MAX: variants seen among roughly 807,000 people sequenced by gnomAD.
MAX encodes MYC associated transcriptional regulator X.
MAX carries 3 observed loss-of-function variants against 22.3 expected under a neutral mutation model. That is an observed-to-expected ratio of 0.13 (90% confidence interval 0.06 to 0.35). The LOEUF is 0.35. Among genes scored for constraint, MAX ranks in the 10% least tolerant of loss-of-function variants. The pLI, the probability that MAX is intolerant of heterozygous loss-of-function variation, is 1.00. For missense variants in MAX, 119 were observed against 209.4 expected (o/e 0.57, Z 2.66); for synonymous variants, 72 against 77.7 (o/e 0.93, Z 0.39).
intron 2 of MAX, among the ~76,000 whole-genome samples, chr14:65,096,828 T>G (rs1266298278): frequency 1.3e-5 from 2 of 152,172 alleles, no homozygotes; most frequent in Non-Finnish European, 2.9e-5. Context: ...CTTGTGGAAT[T>G]AATTAGGCCC....
At chr14:65,015,410 CTTTTTTTTT>C (rs888923691) in intron 3 of MAX, 99 of 155,746 alleles carry the variant, frequency 6.4e-4, no homozygotes, top group African/African-American at 2.7e-3. Flanking sequence ...GCCTTGTTAT[CTTTTTTTTT>C]TTTTTTTTTT....
chr14:65,064,534 C>T (rs983904488), intron 3 of MAX, among the ~76,000 whole-genome samples: 1 of 152,212 alleles, frequency 6.6e-6, no homozygotes, highest in Non-Finnish European at 1.5e-5. Flanking sequence ...CTGTTGGGGT[C>T]AGGTTCAGCA....
rs774011779 is a variant in MAX at position 65,084,212 on chromosome 14, G to T, written c.172-6176C>A. On this transcript the variant is annotated intron_variant, in intron 3 of 4. Transcript: ENST00000358664. This position sits in a 1 kb window ranked among gnomAD's most constrained non-coding sequence, Gnocchi z 4.3. Reference sequence around the variant, plus strand: ...TTGCATTCTTTTTTCTTGTGCACTTGGTAGCTTGAAATGAAGGTGTGGCAT... The same window carrying T: ...TTGCATTCTTTTTTCTTGTGCACTTTGTAGCTTGAAATGAAGGTGTGGCAT... The T allele has an allele frequency of 6.2e-7, 1 of 1,614,014 alleles. No individual in the cohort carries two copies. The highest frequency in any genetic ancestry group is 8.5e-7 in the Non-Finnish European group (1 of 1,179,978).
chr14:65,101,828 C>T (rs2139969784), intron 1 of MAX: 1 of 575,710 alleles, frequency 1.7e-6, no homozygotes, highest in Middle Eastern at 4.6e-4. Flanking sequence ...AGCACTGTCT[C>T]CTCCCTGCAG....
Position 65,077,135 on chromosome 14 carries a change from G to C in MAX, c.296-472C>G, listed in dbSNP as rs1197245972. The C allele has an allele frequency of 1.7e-6, 1 of 602,516 alleles. No individual in the cohort carries two copies. The highest frequency in any genetic ancestry group is 2.9e-6 in the Non-Finnish European group (1 of 342,090). 37.3% of individuals were successfully genotyped at this position (602,516 alleles called of 1,614,324 possible). ...AAGATCCACTTGGAATGACAAGCTGGACACTTGGAAGCAAGTCACCAATAC... is the reference window on the plus strand; with the variant it reads ...AAGATCCACTTGGAATGACAAGCTGCACACTTGGAAGCAAGTCACCAATAC... On this transcript the variant is annotated intron_variant, in intron 4 of 4. Transcript: ENST00000358664. The surrounding 1 kb of genome is among the most constrained non-coding windows in gnomAD (Gnocchi z 6.3).
At position 65,023,319 on chromosome 14, in the gene MAX, G is replaced by A. The variant is rs539906883; in HGVS notation, c.172-17035C>T. Among the ~76,000 whole-genome samples the A allele has an allele frequency of 6.6e-6, 1 of 152,282 alleles. No homozygotes were observed. Among genetic ancestry groups the A allele is most frequent in the South Asian group, 2.1e-4 (1 of 4,830 alleles). ...AGTGATCCCCCTCACCTCAGCCAAA[G>A]TGCTGGGATTACAGGCATGAGCCAC... On this transcript the variant is annotated intron_variant, in intron 3 of 3. Coordinates refer to the MAX transcript ENST00000341653. This position sits in a 1 kb window ranked among gnomAD's most constrained non-coding sequence, Gnocchi z 4.1.
chr14:65,102,658 C>T (rs1354527740), upstream of MAX: 6 of 1,040,868 alleles, frequency 5.8e-6, no homozygotes, highest in South Asian at 1.8e-4. Context: ...CTACAAATCC[C>T]GGAAGAAACC....
rs763864222 is a variant in MAX, at chr14:65,077,571, T to G, written c.295+342A>C. The G allele has an allele frequency of 2.2e-5, 20 of 924,118 alleles. No homozygotes were observed. The Admixed American group carries it at 3.7e-4, about 17-fold the overall frequency. The allele number at this position is 924,118 out of a possible 1,614,324, so 57.2% of individuals were successfully genotyped here. ...GAGTCTCTGGTACTTACACAGCACA[T>G]TCCACTCCAAGGACCTCAAAGCTCT... On this transcript the variant is annotated intron_variant, in intron 4 of 4. Transcript: ENST00000358664. The surrounding 1 kb of genome is among the most constrained non-coding windows in gnomAD (Gnocchi z 6.3).
Position 65,082,742 on chromosome 14 carries a change from GA to G in MAX, c.172-4707del, listed in dbSNP as rs1210950466. Among the ~76,000 whole-genome samples the G allele has an allele frequency of 2.0e-5, 3 of 149,610 alleles. No individual in the cohort carries two copies. Among genetic ancestry groups the G allele is most frequent in the South Asian group, 2.1e-4 (1 of 4,750 alleles). On this transcript the variant is annotated intron_variant, in intron 3 of 4. Coordinates refer to ENST00000358664, the MANE Select transcript of MAX (RefSeq NM_002382.5). The surrounding 1 kb of genome is among the most constrained non-coding windows in gnomAD (Gnocchi z 4.8). ...GGCTTGTGCCAACACACTCCAGCCTGAAAAAAAAGAGTGAGACCCTGTATAA... is the reference window on the plus strand; with the variant it reads ...GGCTTGTGCCAACACACTCCAGCCTGAAAAAAAGAGTGAGACCCTGTATAA...
intron 3 of MAX, among the ~76,000 whole-genome samples, chr14:65,080,038 T>C (rs79302698): frequency 0.017 from 2,577 of 152,284 alleles, 84 homozygotes; most frequent in African/African-American, 0.059. Context: ...TGTCTATACA[T>C]GGAAATATCA....
intron 3 of MAX, among the ~76,000 whole-genome samples, chr14:65,089,256 T>A (rs1410670441): frequency 6.6e-6 from 1 of 152,228 alleles, no homozygotes; most frequent in African/African-American, 2.4e-5. Flanking sequence ...ACCTACTATG[T>A]GCCAGAATCT....
intron 2 of MAX, among the ~76,000 whole-genome samples, chr14:65,095,664 C>T (rs1368507470): frequency 6.6e-6 from 1 of 152,104 alleles, no homozygotes; most frequent in East Asian, 1.9e-4. Flanking sequence ...CTATATACTA[C>T]CTAAGGTGGT....
At position 65,077,808 on chromosome 14, in the gene MAX, G is replaced by C. The variant is rs2139750436; in HGVS notation, c.295+105C>G. On this transcript the variant is annotated intron_variant, in intron 4 of 4. Coordinates refer to ENST00000358664, the MANE Select transcript of MAX (RefSeq NM_002382.5). The surrounding 1 kb of genome is among the most constrained non-coding windows in gnomAD (Gnocchi z 6.3). The stretch of plus-strand genomic sequence containing the variant: ...AAGAAGCAGGACCAAGCCTGCTACT[G>C]AGCACATACTCCATGACTGGCTCTG... The C allele has an allele frequency of 6.2e-7, 1 of 1,614,100 alleles. No homozygotes were observed. The highest frequency in any genetic ancestry group is 8.5e-7 in the Non-Finnish European group (1 of 1,180,020).
Position 65,027,273 on chromosome 14 carries a change from T to C in MAX, c.172-20989A>G, listed in dbSNP as rs1268570025. On this transcript the variant is annotated intron_variant, in intron 3 of 3. Transcript: ENST00000341653. The surrounding 1 kb of genome is among the most constrained non-coding windows in gnomAD (Gnocchi z 5.7). ...AGAGGAGGGCAGACAGAAATGATGA[T>C]AGCTGGAGAGAGAATTAAGCCCTTT... is the stretch of plus-strand genomic sequence containing the variant. 1.1e-6 allele frequency: 1 copy of C among 926,798 alleles called. No homozygotes were observed. Among genetic ancestry groups the C allele is most frequent in the Non-Finnish European group, 1.6e-6 (1 of 627,930 alleles). 57.4% of individuals were successfully genotyped at this position (926,798 alleles called of 1,614,324 possible).
rs1395966308 is a variant in MAX at position 65,101,552 on chromosome 14, T to C, written c.57A>G (p.Gln19=). 6 of 1,610,570 alleles carry C rather than the reference T, an allele frequency of 3.7e-6. No homozygotes were observed. Among genetic ancestry groups the C allele is most frequent in the Middle Eastern group, 1.7e-4 (1 of 6,056 alleles). ...TGGAGAGTAGGAGACGTACCGCAGA[T>C]TGAAACCTCGGTTGCTCTTCCTGGA... ...VESDEEQPRF[Q]SAADKRAHHN... is the part of the protein sequence containing the mutation. Residue 19 remains glutamine (Q), a synonymous_variant, in exon 2 of 5, where the codon CAA becomes CAG. Coordinates refer to ENST00000358664, the MANE Select transcript of MAX (RefSeq NM_002382.5).
Position 65,014,234 on chromosome 14 carries a change from T to C in MAX, c.172-7950A>G, listed in dbSNP as rs766887621. Among the ~76,000 whole-genome samples the C allele has an allele frequency of 6.6e-6, 1 of 152,228 alleles. No homozygotes were observed. The highest frequency in any genetic ancestry group is 1.5e-5 in the Non-Finnish European group (1 of 68,030). On this transcript the variant is annotated intron_variant, in intron 3 of 3. Transcript: ENST00000341653. This position sits in a 1 kb window ranked among gnomAD's most constrained non-coding sequence, Gnocchi z 5.1. ...TTAATTTATAAAACTGGGGCAGTACTCCTACCTACCCTGCCTAGCCTTGAA... is the reference window on the plus strand; with the variant it reads ...TTAATTTATAAAACTGGGGCAGTACCCCTACCTACCCTGCCTAGCCTTGAA...
intron 3 of MAX, among the ~76,000 whole-genome samples, chr14:65,043,753 C>T (rs1329478073): frequency 2.3e-5 from 3 of 131,948 alleles, no homozygotes; most frequent in African/African-American, 5.7e-5. Context: ...ACCCGGGAAG[C>T]GGAGCTTGCA....
Position 65,051,576 on chromosome 14 carries a change from C to A in MAX, c.171+42132G>T, listed in dbSNP as rs945141278. 1.5e-4 allele frequency among the ~76,000 whole-genome samples: 23 copies of A among 151,700 alleles called. No individual in the cohort carries two copies. The East Asian group carries it at 2.1e-3, about 14-fold the overall frequency. The stretch of plus-strand genomic sequence containing the variant: ...CAGTGAGCCGAGATCGTGCCATTGC[C>A]CTCCAACCTGGGCAACAGAGTGAGA... On this transcript the variant is annotated intron_variant, in intron 3 of 3. Coordinates refer to the MAX transcript ENST00000341653.
chr14:65,048,064 T>C (rs2062523212), intron 3 of MAX, among the ~76,000 whole-genome samples: 1 of 145,926 alleles, frequency 6.9e-6, no homozygotes, highest in African/African-American at 2.5e-5. Flanking sequence ...CTCGGCTCAC[T>C]GTAGCCTCCT....
Sources: gnomAD v4.1 joint callset for allele counts (sites outside exome capture counted in the v4.1 genomes callset) on GRCh38, gnomAD v4.1.1 for gene constraint, Gnocchi (gnomAD v3.1) non-coding constraint, MANE v1.5 for transcripts, NCBI Gene and HGNC (gene_info 2026-07-23, HGNC 2026-07-21) for gene names.